The following SFMBT2 variants were observed in gnomAD, a reference collection of about 807,000 sequenced individuals.
SFMBT2 encodes the protein scm-like with four MBT domains protein 2.
In SFMBT2, 38 loss-of-function variants were observed where a neutral mutation model predicts 110.1. The ratio of observed to expected loss-of-function variants is 0.35; its 90% CI spans 0.27 to 0.45. The LOEUF is 0.45. Among genes scored for constraint, SFMBT2 ranks in the 20% least tolerant of loss-of-function variants. The pLI is 1.00. For synonymous variants in SFMBT2, 425 were observed against 425.4 expected (o/e 1.00, Z 0.01); for missense variants, 1,011 against 1,094.9 (o/e 0.92, Z 1.08).
At chr10:7,320,968 G>A (rs1277400696) in intron 4 of SFMBT2, among the ~76,000 whole-genome samples, 1 of 152,230 alleles carries the variant, frequency 6.6e-6, no homozygotes, top group Non-Finnish European at 1.5e-5. Context: ...AAACACTCCT[G>A]TTAAAATTTC....
At chr10:7,314,296 C>T (rs944358950) in intron 4 of SFMBT2, among the ~76,000 whole-genome samples, 6 of 152,210 alleles carry the variant, frequency 3.9e-5, no homozygotes, top group African/African-American at 1.2e-4. Context: ...CTTGCTGCCT[C>T]GCAAAATGAC....
intron 4 of SFMBT2, chr10:7,286,578 T>C (rs1457698588): frequency 6.5e-6 from 1 of 153,628 alleles, no homozygotes; most frequent in Non-Finnish European, 1.4e-5. Context: ...TTTCTTATTA[T>C]TCCCTAAAAA....
intron 11 of SFMBT2, among the ~76,000 whole-genome samples, chr10:7,210,346 A>G (rs1232116601): frequency 2.0e-5 from 3 of 152,178 alleles, no homozygotes; most frequent in Non-Finnish European, 4.4e-5. Flanking sequence ...TACTTCACTC[A>G]GAGCGAATCA....
chr10:7,332,890 G>A (rs1193561165), intron 4 of SFMBT2, among the ~76,000 whole-genome samples: 5 of 152,144 alleles, frequency 3.3e-5, no homozygotes, highest in Non-Finnish European at 5.9e-5. Flanking sequence ...TTTTTGAGAC[G>A]GACTCTTGCT....
Position 7,320,706 on chromosome 10 carries a change from C to T in SFMBT2, c.437-34752G>A, listed in dbSNP as rs1246542460. On this transcript the variant is annotated intron_variant, in intron 4 of 20. Coordinates refer to ENST00000397167, the MANE Select transcript of SFMBT2 (RefSeq NM_001387889.1). ...GAAAGTAAAGTTTAAAGAGTCTAAC[C>T]TCAGTGTTTTGCGGGCTGACATGGA... 4 of 749,454 alleles carry T rather than the reference C, an allele frequency of 5.3e-6. No individual in the cohort carries two copies. The Admixed American group carries it at 2.5e-4, about 47-fold the overall frequency. 46.4% of individuals were successfully genotyped at this position (749,454 alleles called of 1,614,324 possible).
At chr10:7,164,746 AACACACACACAC>A (rs58744416) in intron 20 of SFMBT2, among the ~76,000 whole-genome samples, 6,091 of 137,828 alleles carry the variant, frequency 0.044, 468 homozygotes, top group African/African-American at 0.16. Flanking sequence ...CATAAAGGGA[AACACACACACAC>A]ACACACACAC....
In SFMBT2 at chr10:7,283,951, G is replaced by T; in HGVS notation, c.725C>A (p.Pro242Gln). 6.2e-7 allele frequency: 1 copy of T among 1,606,814 alleles called. No individual in the cohort carries two copies. The highest frequency in any genetic ancestry group is 8.5e-7 in the Non-Finnish European group (1 of 1,173,304). ...WLFYLDYRLR[P>Q]VGWCQENKYR... ...TTTATTCTCTTGACACCAACCAACT[G>T]GTCGAAGTCTGTAATCCAAGTAAAA... The change falls in exon 6 of 21, where the codon CCA (proline) becomes CAA (glutamine). Residue 242 changes from proline (P) to glutamine (Q), a missense_variant. Pro to Gln is a moderately conservative substitution (Grantham distance 76). Around this residue, in one of 2 missense-constraint regions of SFMBT2, gnomAD observed 979 missense variants for 1,016.1 expected, o/e 0.96. Transcript: ENST00000397167.
intron 4 of SFMBT2, among the ~76,000 whole-genome samples, chr10:7,303,269 T>C (rs763873170): frequency 2.0e-5 from 3 of 152,242 alleles, no homozygotes; most frequent in Non-Finnish European, 4.4e-5. Context: ...GTAGCAGATA[T>C]TAACTTATGG....
chr10:7,332,643 A>G (rs1405636259), intron 4 of SFMBT2, among the ~76,000 whole-genome samples: 1 of 152,204 alleles, frequency 6.6e-6, no homozygotes, highest in Non-Finnish European at 1.5e-5. Context: ...TACTGGGCCC[A>G]TTGATTTCAT....
intron 4 of SFMBT2, among the ~76,000 whole-genome samples, chr10:7,305,456 T>A (rs1842665828): frequency 6.6e-6 from 1 of 152,232 alleles, no homozygotes; most frequent in Admixed American, 6.5e-5. Flanking sequence ...ACAGGGATGA[T>A]ATTTTATTGG....
At chr10:7,191,737 CT>C (rs755604466) in intron 15 of SFMBT2, among the ~76,000 whole-genome samples, 1 of 152,222 alleles carries the variant, frequency 6.6e-6, no homozygotes, top group Non-Finnish European at 1.5e-5. Context: ...GGACTTCATT[CT>C]GTTTGCTGCT....
chr10:7,236,262 G>A (rs533967218), intron 9 of SFMBT2, among the ~76,000 whole-genome samples: 10 of 152,128 alleles, frequency 6.6e-5, no homozygotes, highest in Non-Finnish European at 1.2e-4. Flanking sequence ...ACACAATGCC[G>A]AAATCCAATG....
At chr10:7,284,268 T>A in intron 5 of SFMBT2, 118 bp from the exon 6 acceptor site, 1 of 1,498,118 alleles carries the variant, frequency 6.7e-7, no homozygotes, top group Middle Eastern at 2.3e-4. Context: ...TGGCGAACAG[T>A]CTGGCGTTCC....
At chr10:7,281,544 CG>C (rs1841949439) in intron 6 of SFMBT2, among the ~76,000 whole-genome samples, 1 of 152,148 alleles carries the variant, frequency 6.6e-6, no homozygotes, top group Non-Finnish European at 1.5e-5. Context: ...GGTGCTACCA[CG>C]TAAGTCACAC....
chr10:7,370,759 G>A, intron 2 of SFMBT2: 1 of 910,102 alleles, frequency 1.1e-6, no homozygotes. Context: ...CGCTGAGCAA[G>A]GGCTGTGATG....
intron 1 of SFMBT2, among the ~76,000 whole-genome samples, chr10:7,392,103 A>G (rs1256686623): frequency 6.6e-6 from 1 of 152,224 alleles, no homozygotes; most frequent in Non-Finnish European, 1.5e-5. Context: ...ATATGGGGAC[A>G]CAGTTGAGGC....
At chr10:7,306,264 A>T (rs563527958) in intron 4 of SFMBT2, among the ~76,000 whole-genome samples, 2 of 152,218 alleles carry the variant, frequency 1.3e-5, no homozygotes, top group East Asian at 3.9e-4. Context: ...AACTCCACCC[A>T]CCCCCGGCAC....
chr10:7,403,316 C>T (rs1426794716), intron 1 of SFMBT2, among the ~76,000 whole-genome samples: 1 of 152,156 alleles, frequency 6.6e-6, no homozygotes, highest in Admixed American at 6.5e-5. Context: ...TAACAGCCCC[C>T]ACCTACAAAA....
At chr10:7,222,763 G>A (rs1839784446) in intron 10 of SFMBT2, among the ~76,000 whole-genome samples, 1 of 151,826 alleles carries the variant, frequency 6.6e-6, no homozygotes, top group South Asian at 2.1e-4. Context: ...TCTGCCTCCT[G>A]GGTTCAAGCG....
Sources: allele counts gnomAD v4.1 joint callset (sites outside exome capture counted in the v4.1 genomes callset), GRCh38; gene constraint gnomAD v4.1.1; regional missense constraint gnomAD v4.1.1; transcripts MANE v1.5; gene names NCBI Gene and HGNC (gene_info 2026-07-23, HGNC 2026-07-21).